The following TXNL4A variants were observed in gnomAD, a reference collection of about 807,000 sequenced individuals.
TXNL4A encodes the protein thioredoxin like 4A, also known as thioredoxin-like protein 4A.
In TXNL4A, 17 loss-of-function variants were observed where a neutral mutation model predicts 14.6. That is an observed-to-expected ratio of 1.16 (90% CI 0.80 to 1.74). TXNL4A has a LOEUF of 1.74. TXNL4A is among the 40% of genes most tolerant of loss of function. The pLI is 0.00. For missense variants in TXNL4A, 74 were observed against 195.2 expected (o/e 0.38, Z 3.70); for synonymous variants, 83 against 70.6 (o/e 1.18, Z -0.88).
At chr18:80,025,983 A>G (rs12373334) in intron 1 of TXNL4A, among the ~76,000 whole-genome samples, 22,304 of 152,226 alleles carry the variant, frequency 0.15, 1,752 homozygotes, top group East Asian at 0.27. Flanking sequence ...TGCTGCCAGA[A>G]CCCAAATGCA....
intron 1 of TXNL4A, among the ~76,000 whole-genome samples, chr18:80,027,099 G>A (rs957291379): frequency 6.6e-6 from 1 of 152,010 alleles, no homozygotes; most frequent in Non-Finnish European, 1.5e-5. Flanking sequence ...TTCCACTTAC[G>A]GTCTCAGTCA....
chr18:79,983,765 G>C lies in TXNL4A; in HGVS notation c.153+4475C>G, dbSNP rs563578743. 3.9e-5 allele frequency among the ~76,000 whole-genome samples: 6 copies of C among 152,318 alleles called. No individual in the cohort carries two copies. The South Asian group carries it at 1.2e-3, about 32-fold the overall frequency. ...AGAAGTAATCACAGTAATAACAGTG[G>C]CATTACTGCCCATGTGACAGGAGTG... is the stretch of plus-strand genomic sequence containing the variant. On this transcript the variant is annotated intron_variant, in intron 1 of 2. Transcript: ENST00000269601.
At position 79,988,337 on chromosome 18, in the gene TXNL4A, A is replaced by G; in HGVS notation, c.56T>C (p.Leu19Pro). 6.3e-7 allele frequency: 1 copy of G among 1,582,510 alleles called. No homozygotes were observed. Among genetic ancestry groups the G allele is most frequent in the Non-Finnish European group, 8.6e-7 (1 of 1,163,834 alleles). ...HNGWQVDQAI[L>P]SEEDRVVVIR... ...GACGACCACGCGGTCCTCCTCCGAGAGGATGGCCTGGTCCACCTGCCAGCC... is the reference window on the plus strand; with the variant it reads ...GACGACCACGCGGTCCTCCTCCGAGGGGATGGCCTGGTCCACCTGCCAGCC... Residue 19 changes from leucine (L) to proline (P), a missense_variant, in exon 1 of 3, where the codon CTC becomes CCC. Leu to Pro is a moderately conservative substitution (Grantham distance 98). This residue lies in a region of TXNL4A where 55 missense variants were observed against 116.1 expected (regional missense o/e 0.47). Coordinates refer to ENST00000269601, the MANE Select transcript of TXNL4A (RefSeq NM_006701.5).
chr18:80,020,834 G>A (rs2051843948), intron 1 of TXNL4A, among the ~76,000 whole-genome samples: 1 of 152,148 alleles, frequency 6.6e-6, no homozygotes, highest in African/African-American at 2.4e-5. Context: ...AGTGTTCCAG[G>A]GAGGAGAAAT....
intron 1 of TXNL4A, among the ~76,000 whole-genome samples, chr18:79,996,870 G>A (rs777889843): frequency 1.3e-5 from 2 of 152,194 alleles, no homozygotes; most frequent in Non-Finnish European, 2.9e-5. Context: ...TTGAACCCAG[G>A]AGGCGGAGGT....
At chr18:80,013,025 G>A (rs543939671) in intron 1 of TXNL4A, among the ~76,000 whole-genome samples, 17 of 151,198 alleles carry the variant, frequency 1.1e-4, no homozygotes, top group East Asian at 3.9e-4. Context: ...CAGCTCCCTC[G>A]CTGCGATCTG....
At chr18:79,992,898 A>AAAAAAAAAAAAAAAAC (rs2051637196), upstream of TXNL4A, among the ~76,000 whole-genome samples, 1 of 151,498 alleles carries the variant, frequency 6.6e-6, no homozygotes. Flanking sequence ...AAAAAAAAAA[A>AAAAAAAAAAAAAAAAC]AAATGCAGAT....
chr18:80,005,802 T>C (rs2051726177), intron 1 of TXNL4A, among the ~76,000 whole-genome samples: 1 of 152,064 alleles, frequency 6.6e-6, no homozygotes, highest in Non-Finnish European at 1.5e-5. Flanking sequence ...TAATCCCAGC[T>C]ACTTGGGAGG....
chr18:80,001,793 C>G (rs1407205177), intron 1 of TXNL4A, among the ~76,000 whole-genome samples: 4 of 152,118 alleles, frequency 2.6e-5, no homozygotes, highest in African/African-American at 9.7e-5. Flanking sequence ...TAGGAAGTAA[C>G]TAACTTACTT....
upstream of TXNL4A, among the ~76,000 whole-genome samples, chr18:79,990,900 C>T (rs570900427): frequency 8.9e-4 from 134 of 151,028 alleles, no homozygotes; most frequent in African/African-American, 3.1e-3. Flanking sequence ...GTCAGGAGAT[C>T]GAGACCATCC....
intron 1 of TXNL4A, chr18:79,995,278 T>C (rs2051653506): frequency 1.3e-5 from 2 of 152,236 alleles, no homozygotes; most frequent in Non-Finnish European, 2.9e-5. Context: ...TCAGACATTG[T>C]AGCAGACCTG....
upstream of TXNL4A, among the ~76,000 whole-genome samples, chr18:79,990,875 C>T (rs1042270718): frequency 4.2e-5 from 6 of 144,236 alleles, no homozygotes; most frequent in Non-Finnish European, 7.8e-5. Flanking sequence ...GAGGCCGAGG[C>T]GGGCGGATCA....
chr18:79,986,752 T>C, intron 1 of TXNL4A: 7 of 985,468 alleles, frequency 7.1e-6, no homozygotes, highest in Non-Finnish European at 8.4e-6. Context: ...TGCCACCACC[T>C]GCAATGTAGA....
chr18:80,030,898 T>TG (rs2051916805), intron 1 of TXNL4A, among the ~76,000 whole-genome samples: 2 of 152,082 alleles, frequency 1.3e-5, no homozygotes, highest in South Asian at 4.2e-4. Context: ...ACCCGGGAGT[T>TG]GGAGGTTGCA....
At chr18:80,002,612 C>G (rs757849889) in intron 1 of TXNL4A, among the ~76,000 whole-genome samples, 5 of 152,164 alleles carry the variant, frequency 3.3e-5, no homozygotes, top group Non-Finnish European at 7.4e-5. Flanking sequence ...TAAAATGAGG[C>G]TGGGTGTATG....
intron 1 of TXNL4A, among the ~76,000 whole-genome samples, chr18:80,021,133 C>T (rs2051845826): frequency 6.6e-6 from 1 of 151,600 alleles, no homozygotes; most frequent in Admixed American, 6.6e-5. Flanking sequence ...GTTTTGGACT[C>T]CCTGAGGCAG....
chr18:80,023,977 T>G (rs963793908), intron 1 of TXNL4A, among the ~76,000 whole-genome samples: 3 of 152,204 alleles, frequency 2.0e-5, no homozygotes, highest in African/African-American at 7.2e-5. Flanking sequence ...TCTTGTCACT[T>G]TCTTCGATTG....
At chr18:79,987,406 G>C (rs2051567784) in intron 1 of TXNL4A, among the ~76,000 whole-genome samples, 1 of 152,186 alleles carries the variant, frequency 6.6e-6, no homozygotes, top group African/African-American at 2.4e-5. Context: ...TGAAAGAAAA[G>C]ATAGCTTCAA....
chr18:79,975,610 T>C (rs550049570), intron 2 of TXNL4A, among the ~76,000 whole-genome samples: 3 of 152,164 alleles, frequency 2.0e-5, no homozygotes, highest in African/African-American at 7.2e-5. Flanking sequence ...AAGGCCTCTA[T>C]TGCCTCGAAC....
Sources: allele counts gnomAD v4.1 joint callset (sites outside exome capture counted in the v4.1 genomes callset), GRCh38; gene constraint gnomAD v4.1.1; regional missense constraint gnomAD v4.1.1; transcripts MANE v1.5; gene names NCBI Gene and HGNC (gene_info 2026-07-23, HGNC 2026-07-21).